The following ANKS1B variants were observed in gnomAD, a reference collection of about 807,000 sequenced individuals.
ANKS1B encodes ankyrin repeat and sterile alpha motif domain-containing protein 1B.
A neutral mutation model predicts 148.3 loss-of-function variants in ANKS1B; 36 were observed. The ratio of observed to expected loss-of-function variants is 0.24; its 90% CI spans 0.19 to 0.32. The LOEUF (loss-of-function observed/expected upper bound fraction) is 0.32. Ranked by LOEUF, ANKS1B falls within the 10% of genes least tolerant of loss-of-function variation. The pLI, the probability that ANKS1B is intolerant of heterozygous loss-of-function variation, is 1.00. For synonymous variants in ANKS1B, 542 were observed against 560.8 expected, an observed-to-expected ratio of 0.97 and a Z score of 0.47; for missense variants, 1,157 against 1,542.6, an observed-to-expected ratio of 0.75 and a Z score of 4.19.
chr12:98,867,967 A>G (rs951626601), intron 17 of ANKS1B, among the ~76,000 whole-genome samples: 2 of 152,130 alleles, frequency 1.3e-5, no homozygotes, highest in African/African-American at 4.8e-5. Context: ...CCAACTTCGA[A>G]GCTGGCCTGC....
intron 17 of ANKS1B, among the ~76,000 whole-genome samples, chr12:98,911,424 A>G (rs1472076351): frequency 6.6e-6 from 1 of 152,200 alleles, no homozygotes; most frequent in Non-Finnish European, 1.5e-5. Context: ...TATGAACACA[A>G]ATCTTTCCCC....
chr12:99,457,502 A>C (rs1288775687), intron 10 of ANKS1B, among the ~76,000 whole-genome samples: 1 of 152,276 alleles, frequency 6.6e-6, no homozygotes, highest in East Asian at 1.9e-4. Flanking sequence ...ATGAGAATTC[A>C]CTAGCCAAGT....
rs567324426 is a variant in ANKS1B, at chr12:99,121,466, A to G, written c.2526+32823T>C. On this transcript the variant is annotated intron_variant, in intron 15 of 26. Coordinates refer to ENST00000683438, the MANE Select transcript of ANKS1B (RefSeq NM_001352186.2). ...TGTTACTTAAGGTACTTGAGGTTTG[A>G]TGTTCACTCAAACACTTTTGAGTAT... 1.1e-4 allele frequency among the ~76,000 whole-genome samples: 16 copies of G among 152,186 alleles called. No individual in the cohort carries two copies. In the South Asian group the frequency reaches 3.1e-3, roughly 30 times the overall value.
chr12:99,961,012 G>C (rs2095404204), intron 1 of ANKS1B, among the ~76,000 whole-genome samples: 1 of 152,162 alleles, frequency 6.6e-6, no homozygotes, highest in Non-Finnish European at 1.5e-5. Flanking sequence ...CGGATCATCT[G>C]AGGTCAGGAA....
chr12:99,745,697 A>C (rs2060531354), intron 8 of ANKS1B, among the ~76,000 whole-genome samples: 1 of 152,160 alleles, frequency 6.6e-6, no homozygotes, highest in Non-Finnish European at 1.5e-5. Context: ...AATTTAATTA[A>C]GAAAACAAAA....
chr12:99,050,042 C>T (rs1382583401), intron 17 of ANKS1B, among the ~76,000 whole-genome samples: 1 of 152,136 alleles, frequency 6.6e-6, no homozygotes, highest in Non-Finnish European at 1.5e-5. Context: ...TGTGAACTTC[C>T]CTAAAAGGCT....
chr12:99,718,756 T>C (rs60898780), intron 8 of ANKS1B, among the ~76,000 whole-genome samples: 2,838 of 152,244 alleles, frequency 0.019, 93 homozygotes, highest in African/African-American at 0.064. Context: ...CAAACATGCT[T>C]TCTTTACTAT....
chr12:99,327,704 C>G (rs1382081199), intron 12 of ANKS1B, among the ~76,000 whole-genome samples: 1 of 149,400 alleles, frequency 6.7e-6, no homozygotes, highest in Non-Finnish European at 1.5e-5. Flanking sequence ...TTTCTTTTTC[C>G]AAAAGTTGTA....
intron 17 of ANKS1B, among the ~76,000 whole-genome samples, chr12:98,889,388 C>T (rs969582127): frequency 4.0e-5 from 6 of 151,452 alleles, no homozygotes; most frequent in Non-Finnish European, 8.8e-5. Context: ...ACTCCTGTTG[C>T]CCAGGCTGGA....
chr12:99,460,400 C>T (rs1312535909), intron 10 of ANKS1B, among the ~76,000 whole-genome samples: 1 of 152,010 alleles, frequency 6.6e-6, no homozygotes, highest in East Asian at 1.9e-4. Context: ...GCAACAAAAA[C>T]AGAGATAAAT....
chr12:99,826,193 C>T (rs1359031558), intron 1 of ANKS1B, among the ~76,000 whole-genome samples: 3 of 152,148 alleles, frequency 2.0e-5, no homozygotes, highest in Admixed American at 2.0e-4. Flanking sequence ...TTATTGTACA[C>T]CAACTGTATG....
chr12:99,968,776 G>A (rs1054817669), intron 1 of ANKS1B, among the ~76,000 whole-genome samples: 6 of 152,144 alleles, frequency 3.9e-5, no homozygotes, highest in African/African-American at 1.4e-4. Context: ...GAACGGCTTA[G>A]CAGCATCCCC....
chr12:98,973,864 C>T (rs112602454), intron 17 of ANKS1B, among the ~76,000 whole-genome samples: 3,068 of 149,502 alleles, frequency 0.021, 106 homozygotes, highest in African/African-American at 0.074. Context: ...TACGTACCTG[C>T]GATATGTATC....
chr12:99,765,032 A>G (rs1055997385), intron 8 of ANKS1B, among the ~76,000 whole-genome samples: 3 of 152,150 alleles, frequency 2.0e-5, no homozygotes, highest in African/African-American at 7.2e-5. Context: ...GATGGTCTGA[A>G]CCCACAAACT....
At chr12:98,850,221 A>G (rs999837485) in intron 17 of ANKS1B, among the ~76,000 whole-genome samples, 5 of 152,200 alleles carry the variant, frequency 3.3e-5, no homozygotes, top group Admixed American at 6.5e-5. Flanking sequence ...TGAGGAAGTA[A>G]AAGAGCTTCT....
intron 1 of ANKS1B, among the ~76,000 whole-genome samples, chr12:99,917,844 G>GTAAC (rs1274594894): frequency 6.6e-6 from 1 of 152,210 alleles, no homozygotes; most frequent in East Asian, 1.9e-4. Context: ...CTGCAGAGAG[G>GTAAC]TAACTCTCCA....
At chr12:99,696,384 T>C (rs187401256) in intron 8 of ANKS1B, among the ~76,000 whole-genome samples, 45 of 152,238 alleles carry the variant, frequency 3.0e-4, no homozygotes, top group Admixed American at 7.2e-4. Flanking sequence ...GGTGAAAGAA[T>C]AGACAAACAT....
intron 9 of ANKS1B, among the ~76,000 whole-genome samples, chr12:99,529,406 A>C (rs1239049538): frequency 6.6e-6 from 1 of 152,178 alleles, no homozygotes; most frequent in Non-Finnish European, 1.5e-5. Flanking sequence ...TAATCCCAGC[A>C]CTTTGGGAGG....
chr12:99,833,355 G>C (rs2153690826), intron 1 of ANKS1B, among the ~76,000 whole-genome samples: 1 of 152,226 alleles, frequency 6.6e-6, no homozygotes, highest in Middle Eastern at 3.4e-3. Flanking sequence ...GGTAAACAGA[G>C]TGAGAGTCAG....
Sources: gnomAD v4.1 joint callset for allele counts (sites outside exome capture counted in the v4.1 genomes callset) on GRCh38, gnomAD v4.1.1 for gene constraint, MANE v1.5 for transcripts, NCBI Gene and HGNC (gene_info 2026-07-23, HGNC 2026-07-21) for gene names.